Variants in CYP2C8 observed in about 807,000 individuals in gnomAD.
CYP2C8 encodes cytochrome P450 family 2 subfamily C member 8.
A neutral mutation model predicts 41.3 loss-of-function variants in CYP2C8; 51 were observed. That is an observed-to-expected ratio of 1.24 (90% CI 0.99 to 1.56). CYP2C8 has a LOEUF of 1.56. CYP2C8 is among the 40% of genes most tolerant of loss of function. CYP2C8 has a pLI of 0.00. For missense variants in CYP2C8, 651 were observed against 579.9 expected (o/e 1.12, Z -1.26); for synonymous variants, 218 against 205.8 (o/e 1.06, Z -0.51).
intron 5 of CYP2C8, among the ~76,000 whole-genome samples, chr10:95,054,410 A>G (rs574823460): frequency 6.6e-6 from 1 of 152,252 alleles, no homozygotes; most frequent in African/African-American, 2.4e-5. Flanking sequence ...GAAATTTCTT[A>G]TGAGAAAATG....
rs78213948 is a variant in CYP2C8, at chr10:95,053,086, G to A, written c.819+5249C>T. 4.8e-3 allele frequency among the ~76,000 whole-genome samples: 735 copies of A among 152,092 alleles called. 7 individuals carry two copies. Among genetic ancestry groups the A allele is most frequent in the African/African-American group, 0.017 (691 of 41,506 alleles). On this transcript the variant is annotated intron_variant, in intron 5 of 8. Coordinates refer to ENST00000371270, the MANE Select transcript of CYP2C8 (RefSeq NM_000770.3). ...CTATGAGAAATAATAAACAAATTCC[G>A]TAAAGTTGCAAGATACAAAATAATA... is the stretch of plus-strand genomic sequence containing the variant.
intron 4 of CYP2C8, among the ~76,000 whole-genome samples, chr10:95,059,300 A>T (rs368630061): frequency 6.6e-6 from 1 of 152,082 alleles, no homozygotes; most frequent in Non-Finnish European, 1.5e-5. Flanking sequence ...TCCTCTCCAG[A>T]ACCTGTTGTT....
intron 8 of CYP2C8, among the ~76,000 whole-genome samples, 184 bp from the exon 9 acceptor site, chr10:95,037,493 A>G (rs1029509049): frequency 6.6e-6 from 1 of 152,206 alleles, no homozygotes; most frequent in East Asian, 1.9e-4. Flanking sequence ...TGGTGGGACA[A>G]ACAAATGTAC....
At chr10:95,044,474 A>AT (rs1171594147) in intron 6 of CYP2C8, among the ~76,000 whole-genome samples, 1 of 152,156 alleles carries the variant, frequency 6.6e-6, no homozygotes, top group Non-Finnish European at 1.5e-5. Context: ...ATAACTTTCT[A>AT]TTAAGTTGGC....
chr10:95,039,007 A>G lies in CYP2C8; in HGVS notation c.1181T>C (p.Val394Ala). 1 of 1,613,756 alleles carries G rather than the reference A, an allele frequency of 6.2e-7. No individual in the cohort carries two copies. Among genetic ancestry groups the G allele is most frequent in the Non-Finnish European group, 8.5e-7 (1 of 1,179,606 alleles). Residue 394 changes from valine to alanine, a missense_variant, in exon 8 of 9, where the codon GTG becomes GCG. By Grantham distance (64) the Val-to-Ala change is moderately conservative. Transcript: ENST00000371270. ...GTTIMALLTS[V>A]LHDDKEFPNP... ...AGGAAATTCTTTGTCATCATGTAGCACGGAAGTCAGTAATGCCATTATGGT... is the reference window on the plus strand; with the variant it reads ...AGGAAATTCTTTGTCATCATGTAGCGCGGAAGTCAGTAATGCCATTATGGT...
rs1407175407 is a variant in CYP2C8 at position 95,067,631 on chromosome 10, A to C, written c.229T>G (p.Phe77Val). Reference protein sequence around the residue: ...VYFGMNPIVVFHGYEAVKEAL... With the variant: ...VYFGMNPIVVVHGYEAVKEAL... ...TCCTTCACTGCCTCATATCCATGAA[A>C]CACCACTATGGGATTCATGCCAAAA... Residue 77 changes from phenylalanine to valine, a missense_variant, in exon 2 of 9, where the codon TTT (phenylalanine) becomes GTT (valine). Transcript: ENST00000371270. 6.2e-7 allele frequency: 1 copy of C among 1,614,012 alleles called. No homozygotes were observed. The highest frequency in any genetic ancestry group is 8.5e-7 in the Non-Finnish European group (1 of 1,179,962).
chr10:95,058,745 T>C (rs999159166), intron 4 of CYP2C8, among the ~76,000 whole-genome samples: 2 of 152,262 alleles, frequency 1.3e-5, no homozygotes, highest in Middle Eastern at 3.4e-3. Flanking sequence ...CTGCACCCAA[T>C]AACTCGTCAT....
chr10:95,049,816 G>A (rs2033182457), intron 5 of CYP2C8, among the ~76,000 whole-genome samples: 1 of 151,952 alleles, frequency 6.6e-6, no homozygotes, highest in Non-Finnish European at 1.5e-5. Flanking sequence ...CTAATCCCAA[G>A]CTGCACAGTT....
chr10:95,037,137 G>T lies in CYP2C8; in HGVS notation c.1464C>A (p.Ile488=). ...GATGGGCTAGCATTCTTCAGACAGGGATGAAGCAGATCTGGTATGAGGGTG... is the reference window on the plus strand; with the variant it reads ...GATGGGCTAGCATTCTTCAGACAGGTATGAAGCAGATCTGGTATGAGGGTG... ...SLPPSYQICF[I]PV Residue 488 remains isoleucine (I), a synonymous_variant, in exon 9 of 9, where the codon ATC becomes ATA. Transcript: ENST00000371270. 6.2e-7 allele frequency: 1 copy of T among 1,613,874 alleles called. No homozygotes were observed. Among genetic ancestry groups the T allele is most frequent in the Non-Finnish European group, 8.5e-7 (1 of 1,179,802 alleles).
Position 95,064,911 on chromosome 10 carries a change from C to T in CYP2C8, c.531G>A (p.Val177=). The change falls in exon 4 of 9, where the codon GTG becomes GTA. Residue 177 remains valine (V), a synonymous_variant. Transcript: ENST00000371270. ...GTTTCTGGAAAACAACGGAGCAGATCACATTGCAGGGAGCACAGCCCAGGA... is the reference window on the plus strand; with the variant it reads ...GTTTCTGGAAAACAACGGAGCAGATTACATTGCAGGGAGCACAGCCCAGGA... ...TFILGCAPCN[V]ICSVVFQKRF... 6.2e-7 allele frequency: 1 copy of T among 1,613,226 alleles called. No homozygotes were observed. Among genetic ancestry groups the T allele is most frequent in the South Asian group, 1.1e-5 (1 of 91,016 alleles).
chr10:95,037,259 A>G lies in CYP2C8; in HGVS notation c.1342T>C (p.Phe448Leu). Residue 448 changes from phenylalanine (F) to leucine (L), a missense_variant, in exon 9 of 9, where the codon TTT becomes CTT. Physicochemically the swap from Phe to Leu is conservative, Grantham distance 22 (BLOSUM62 0). Transcript: ENST00000371270. ...EGLARMELFL[F>L]LTTILQNFNL... ...AAGTTCTGTAAAATTGTGGTTAGAA[A>G]TAAAAATAGCTCCATGCGGGCAAGT... The G allele has an allele frequency of 6.2e-7, 1 of 1,613,856 alleles. No individual in the cohort carries two copies. The highest frequency in any genetic ancestry group is 8.5e-7 in the Non-Finnish European group (1 of 1,179,850).
At chr10:95,047,867 A>G (rs947805820) in intron 5 of CYP2C8, among the ~76,000 whole-genome samples, 1 of 152,192 alleles carries the variant, frequency 6.6e-6, no homozygotes, top group African/African-American at 2.4e-5. Flanking sequence ...ATAGTTAAAA[A>G]CAGCTCAGAT....
In CYP2C8 at chr10:95,069,164, A is replaced by G. The variant is rs748518925; in HGVS notation, c.168+71T>C. On this transcript the variant is annotated intron_variant, in intron 1 of 8. Transcript: ENST00000371270. ...TATAATAGTGTGCTTCCAGGAATAT[A>G]TTTTGTCTAAAAATAGCAGTCAAAT... 2.0e-5 allele frequency: 30 copies of G among 1,522,024 alleles called. No individual in the cohort carries two copies. In the South Asian group the frequency reaches 2.9e-4, roughly 15 times the overall value. The allele number at this position is 1,522,024 out of a possible 1,614,324, so 94.3% of individuals were successfully genotyped here.
intron 1 of CYP2C8, among the ~76,000 whole-genome samples, chr10:95,068,891 T>C (rs929250381): frequency 1.3e-5 from 2 of 152,052 alleles, no homozygotes; most frequent in Non-Finnish European, 2.9e-5. Context: ...AAACCCTGTC[T>C]CTACTAAAAC....
At chr10:95,056,309 A>C (rs1358482961) in intron 5 of CYP2C8, among the ~76,000 whole-genome samples, 3 of 152,208 alleles carry the variant, frequency 2.0e-5, no homozygotes, top group Admixed American at 6.5e-5. Context: ...TGGGATTTTA[A>C]AATGGTGCAT....
At chr10:95,040,188 T>C (rs1325573974) in intron 7 of CYP2C8, among the ~76,000 whole-genome samples, 1 of 152,200 alleles carries the variant, frequency 6.6e-6, no homozygotes, top group Admixed American at 6.5e-5. Context: ...GTGACTATTA[T>C]TGTGTAAAAG....
At chr10:95,061,737 G>A (rs931173981) in intron 4 of CYP2C8, among the ~76,000 whole-genome samples, 1 of 152,184 alleles carries the variant, frequency 6.6e-6, no homozygotes, top group African/African-American at 2.4e-5. Flanking sequence ...ATGTTAGGGT[G>A]TCAATTTTAG....
intron 5 of CYP2C8, among the ~76,000 whole-genome samples, chr10:95,048,270 T>C (rs978899688): frequency 9.2e-5 from 14 of 152,226 alleles, no homozygotes; most frequent in Middle Eastern, 3.2e-3. Flanking sequence ...TTGACATCTT[T>C]GTCAGCCAAC....
At chr10:95,041,816 T>C (rs1158615146) in intron 7 of CYP2C8, among the ~76,000 whole-genome samples, 2 of 134,680 alleles carry the variant, frequency 1.5e-5, no homozygotes, top group Admixed American at 7.5e-5. Context: ...AAAAAAAAAA[T>C]CTGTGCAAAA....
Sources: gnomAD v4.1 joint callset for allele counts (sites outside exome capture counted in the v4.1 genomes callset) on GRCh38, gnomAD v4.1.1 for gene constraint, MANE v1.5 for transcripts, NCBI Gene and HGNC (gene_info 2026-07-23, HGNC 2026-07-21) for gene names.